The following HACD1 variants were observed in gnomAD, a reference collection of about 807,000 sequenced individuals.
The protein encoded by HACD1 is 3-hydroxyacyl-CoA dehydratase 1.
HACD1 carries 41 observed loss-of-function variants against 32.0 expected under a neutral mutation model. The observed-to-expected ratio is 1.28, with a 90% confidence interval of 1.00 to 1.66. The LOEUF is 1.66. HACD1 is among the 40% of genes most tolerant of loss of function. HACD1 has a pLI of 0.00. For synonymous variants in HACD1, 142 were observed against 139.0 expected, an observed-to-expected ratio of 1.02 and a Z score of -0.15; for missense variants, 396 against 380.1, an observed-to-expected ratio of 1.04 and a Z score of -0.35.
intron 4 of HACD1, among the ~76,000 whole-genome samples, chr10:17,600,105 TTC>T (rs1834048680): frequency 6.6e-6 from 1 of 152,138 alleles, no homozygotes; most frequent in Admixed American, 6.6e-5. Context: ...TTCTACCTAC[TTC>T]TCTCTCTGGT....
chr10:17,597,636 A>G (rs1475996795), intron 5 of HACD1, among the ~76,000 whole-genome samples: 2 of 152,206 alleles, frequency 1.3e-5, no homozygotes, highest in African/African-American at 4.8e-5. Flanking sequence ...AATTCAGCAC[A>G]TGAAAAGAGA....
chr10:17,591,667 T>C (rs1164171329), intron 6 of HACD1, among the ~76,000 whole-genome samples: 2 of 152,206 alleles, frequency 1.3e-5, no homozygotes, highest in African/African-American at 4.8e-5. Context: ...ATATCAGCTA[T>C]AAACAATGCC....
At chr10:17,603,679 CT>C (rs782665649) in intron 3 of HACD1, 31 bp from the exon 4 acceptor site, 3 of 1,603,920 alleles carry the variant, frequency 1.9e-6, no homozygotes, top group Non-Finnish European at 2.6e-6. Flanking sequence ...AACTATTGCC[CT>C]AAAGGCAATT....
At chr10:17,597,668 T>C (rs1016100331) in intron 5 of HACD1, among the ~76,000 whole-genome samples, 1 of 151,690 alleles carries the variant, frequency 6.6e-6, no homozygotes, top group South Asian at 2.1e-4. Flanking sequence ...GTTAGTATTT[T>C]CAAAGGTGCC....
Position 17,599,143 on chromosome 10 carries a change from T to A in HACD1, c.605+147A>T. On this transcript the variant is annotated intron_variant, in intron 5 of 6. Transcript: ENST00000361271. ...AGCTTTTAGAATACAAATCATAACT[T>A]GTATAATTATTAGTTATACCAGTTA... 3 of 1,278,548 alleles carry A rather than the reference T, an allele frequency of 2.3e-6. No homozygotes were observed. The African/African-American group carries it at 4.5e-5, about 19-fold the overall frequency. The allele number at this position is 1,278,548 out of a possible 1,614,324, so 79.2% of individuals were successfully genotyped here. A position where few individuals can be genotyped will look rare whatever the true frequency, so the allele number is the denominator to read the frequency against.
chr10:17,600,464 G>A (rs919495231), intron 4 of HACD1, among the ~76,000 whole-genome samples: 2 of 151,808 alleles, frequency 1.3e-5, no homozygotes, highest in Non-Finnish European at 2.9e-5. Context: ...CTCAGCCTCC[G>A]GAGTAGCTGG....
In HACD1 at chr10:17,590,422, A is replaced by T. The variant is rs1554815472; in HGVS notation, c.809T>A (p.Met270Lys). ...IPLFPQLYFHMLRQRRKVLHG... is the reference protein window; with the variant it reads ...IPLFPQLYFHKLRQRRKVLHG... The stretch of plus-strand genomic sequence containing the variant: ...AAGCACCTTTCTTCTTTGACGTAAC[A>T]TATGAAAATAGAGTTGTGGAAACAC... Residue 270 changes from methionine (M) to lysine (K), a missense_variant, in exon 7 of 7, where the codon ATG (methionine) becomes AAG (lysine). Met to Lys is a moderately conservative substitution (Grantham distance 95). Transcript: ENST00000361271. The T allele has an allele frequency of 1.3e-6, 2 of 1,598,642 alleles. No individual in the cohort carries two copies. Among genetic ancestry groups the T allele is most frequent in the Admixed American group, 3.4e-5 (2 of 58,758 alleles).
intron 1 of HACD1, among the ~76,000 whole-genome samples, chr10:17,608,111 G>T (rs1554817194): frequency 1.3e-5 from 2 of 152,090 alleles, no homozygotes; most frequent in Non-Finnish European, 2.9e-5. Flanking sequence ...CCAGGCTTCA[G>T]CAATCTTCCC....
chr10:17,599,239 A>G, intron 5 of HACD1, 51 bp downstream of exon 5: 2 of 1,594,370 alleles, frequency 1.3e-6, no homozygotes, highest in Non-Finnish European at 1.7e-6. Context: ...GTTAGCACAC[A>G]AAATAAGCAT....
intron 5 of HACD1, among the ~76,000 whole-genome samples, chr10:17,598,313 G>A (rs1834023043): frequency 6.6e-6 from 1 of 150,710 alleles, no homozygotes; most frequent in Admixed American, 6.6e-5. Flanking sequence ...ATTAACAGTG[G>A]TTATCCTTGG....
intron 1 of HACD1, among the ~76,000 whole-genome samples, chr10:17,615,153 A>T (rs7918263): frequency 0.41 from 62,993 of 152,156 alleles, 13,556 homozygotes; most frequent in African/African-American, 0.52. Context: ...GAATTGTTGT[A>T]AATACATTAG....
At chr10:17,602,160 C>T (rs979925656) in intron 4 of HACD1, among the ~76,000 whole-genome samples, 1 of 151,624 alleles carries the variant, frequency 6.6e-6, no homozygotes, top group Non-Finnish European at 1.5e-5. Context: ...CCCTCCACCT[C>T]CCAGGTTCAA....
At position 17,603,603 on chromosome 10, in the gene HACD1, G is replaced by T; in HGVS notation, c.440C>A (p.Ser147Ter). The change falls in exon 4 of 7, where the codon TCA (serine) becomes TAA (stop). Residue 147 changes from serine (S) to a stop codon, truncating the protein, a stop_gained. Coordinates refer to ENST00000361271, the MANE Select transcript of HACD1 (RefSeq NM_014241.4). LOFTEE classifies it high-confidence loss of function. ...AATGAGCCACACCATAAAGATTCTT[G>T]AACTCACTTGGACCCCAGTCACAAT... is the stretch of plus-strand genomic sequence containing the variant. ...SVIVTGVQVS[S>*]RIFMVWLITH... 1.2e-6 allele frequency: 2 copies of T among 1,613,492 alleles called. No individual in the cohort carries two copies. The highest frequency in any genetic ancestry group is 2.2e-5 in the South Asian group (2 of 91,046).
chr10:17,616,231 T>A (rs1833081749), intron 1 of HACD1, among the ~76,000 whole-genome samples: 1 of 71,902 alleles, frequency 1.4e-5, no homozygotes, highest in Non-Finnish European at 3.1e-5. Context: ...ATCCCGCCAC[T>A]GCACTCCAGC....
chr10:17,612,019 T>C (rs1363962848), intron 1 of HACD1, among the ~76,000 whole-genome samples: 2 of 141,780 alleles, frequency 1.4e-5, no homozygotes, highest in Non-Finnish European at 3.0e-5. Flanking sequence ...TCACCTGTAA[T>C]CCCAGCTACT....
At chr10:17,599,252 A>C (rs1379845138) in intron 5 of HACD1, 38 bp downstream of exon 5, 1 of 1,607,856 alleles carries the variant, frequency 6.2e-7, no homozygotes, top group Non-Finnish European at 8.5e-7. Flanking sequence ...ATAAGCATGC[A>C]CAGGACAAGG....
chr10:17,598,531 G>T (rs782447050), intron 5 of HACD1, among the ~76,000 whole-genome samples: 9 of 152,126 alleles, frequency 5.9e-5, no homozygotes, highest in Non-Finnish European at 1.3e-4. Flanking sequence ...ATAAGACAGA[G>T]AATTTGTTTT....
intron 1 of HACD1, among the ~76,000 whole-genome samples, chr10:17,616,141 C>T (rs1423224214): frequency 2.6e-5 from 4 of 151,804 alleles, no homozygotes; most frequent in Non-Finnish European, 4.4e-5. Flanking sequence ...TGGTGGCGGG[C>T]GCCTGTAGTC....
intron 1 of HACD1, among the ~76,000 whole-genome samples, chr10:17,606,030 A>G (rs1383618393): frequency 2.6e-5 from 4 of 151,906 alleles, no homozygotes; most frequent in Admixed American, 6.6e-5. Flanking sequence ...AAAAAATTTT[A>G]GAGGCATGGC....
Sources: gnomAD v4.1 joint callset for allele counts (sites outside exome capture counted in the v4.1 genomes callset) on GRCh38, gnomAD v4.1.1 for gene constraint, MANE v1.5 for transcripts, NCBI Gene and HGNC (gene_info 2026-07-23, HGNC 2026-07-21) for gene names.